Variants in SLC14A2 observed in about 807,000 individuals in gnomAD.
SLC14A2 encodes the protein urea transporter 2.
A neutral mutation model predicts 104.6 loss-of-function variants in SLC14A2; 91 were observed. The observed-to-expected ratio is 0.87, with a 90% confidence interval of 0.73 to 1.04. The LOEUF is 1.04. Ranked by LOEUF, SLC14A2 falls within the 50% of genes least tolerant of loss-of-function variation. SLC14A2 has a pLI of 0.00. For missense variants in SLC14A2, 1,189 were observed against 1,156.0 expected (o/e 1.03, Z -0.41); for synonymous variants, 476 against 466.4 (o/e 1.02, Z -0.27).
At chr18:45,558,994 T>A (rs796586908) in intron 2 of SLC14A2, among the ~76,000 whole-genome samples, 2 of 152,260 alleles carry the variant, frequency 1.3e-5, no homozygotes, top group African/African-American at 4.8e-5. Flanking sequence ...TTTCACCATG[T>A]TGGCCAGGTT....
chr18:45,264,622 G>A (rs567611365), intron 1 of SLC14A2, among the ~76,000 whole-genome samples: 35 of 152,248 alleles, frequency 2.3e-4, no homozygotes, highest in East Asian at 5.8e-4. Context: ...CATGTCTTTC[G>A]TGGGGACAGG....
At chr18:45,516,368 C>T (rs148799809) in intron 2 of SLC14A2, among the ~76,000 whole-genome samples, 2 of 152,100 alleles carry the variant, frequency 1.3e-5, no homozygotes, top group Admixed American at 1.3e-4. Context: ...CCAAATTTGC[C>T]GCTAAAATAA....
chr18:45,184,909 C>T, the SLC14A2 span, among the ~76,000 whole-genome samples: 16 of 152,210 alleles, frequency 1.1e-4, no homozygotes, highest in Admixed American at 1.0e-3. Flanking sequence ...CAACAAGTTC[C>T]TCTCATGTTG....
intron 17 of SLC14A2, 121 bp downstream of exon 17, chr18:45,673,168 T>C: frequency 1.1e-6 from 1 of 944,408 alleles, no homozygotes; most frequent in South Asian, 1.6e-5. Context: ...TCCCTCCTTC[T>C]GTTGTACCCT....
At chr18:45,653,435 T>C (rs16978435) in intron 10 of SLC14A2, among the ~76,000 whole-genome samples, 10,092 of 152,186 alleles carry the variant, frequency 0.066, 1,040 homozygotes, top group African/African-American at 0.23. Context: ...CTTCTGAACC[T>C]GGGTAGGCTG....
At chr18:45,402,130 C>A (rs1156455713) in intron 1 of SLC14A2, among the ~76,000 whole-genome samples, 1 of 152,214 alleles carries the variant, frequency 6.6e-6, no homozygotes, top group East Asian at 1.9e-4. Context: ...GCCCACAGTT[C>A]CTTTGGAGGT....
intron 2 of SLC14A2, among the ~76,000 whole-genome samples, chr18:45,526,012 C>A (rs1360893104): frequency 6.6e-6 from 1 of 152,016 alleles, no homozygotes; most frequent in Non-Finnish European, 1.5e-5. Context: ...TTTAAAAGTG[C>A]TAAATGGTAA....
chr18:45,214,049 A>T (rs145910797), intron 1 of SLC14A2, among the ~76,000 whole-genome samples: 1 of 152,222 alleles, frequency 6.6e-6, no homozygotes, highest in Non-Finnish European at 1.5e-5. Flanking sequence ...GGTATGCAAG[A>T]GTGACAGAGA....
Position 45,673,808 on chromosome 18 carries a change from A to C in SLC14A2, c.2503A>C (p.Ile835Leu), listed in dbSNP as rs1379584812. 1.2e-6 allele frequency: 2 copies of C among 1,614,078 alleles called. No individual in the cohort carries two copies. ...CACCTGGCAGACGCACCTCCTCGCC[A>C]TCGCCTGCGGTAGGTACTCCCCACA... Reference protein sequence around the residue: ...VITWQTHLLAIACALFAAYLG... With the variant: ...VITWQTHLLALACALFAAYLG... The change falls in exon 18 of 20, where the codon ATC (isoleucine) becomes CTC (leucine). Residue 835 changes from isoleucine (I) to leucine (L), a missense_variant. Ile to Leu is a conservative substitution (Grantham distance 5). Transcript: ENST00000255226.
chr18:45,280,123 A>C (rs1286159197), intron 1 of SLC14A2, among the ~76,000 whole-genome samples: 1 of 152,212 alleles, frequency 6.6e-6, no homozygotes, highest in East Asian at 1.9e-4. Flanking sequence ...CAGGAAACTG[A>C]GGCTCCAAGA....
chr18:45,296,740 G>T (rs774528793), intron 1 of SLC14A2, among the ~76,000 whole-genome samples: 1 of 152,166 alleles, frequency 6.6e-6, no homozygotes, highest in Non-Finnish European at 1.5e-5. Flanking sequence ...GGCTTGTTTC[G>T]GAAGAGCAGT....
chr18:45,640,180 G>C (rs188640142), intron 7 of SLC14A2, among the ~76,000 whole-genome samples: 10 of 152,036 alleles, frequency 6.6e-5, no homozygotes, highest in Non-Finnish European at 1.2e-4. Context: ...GGGAGCTGAG[G>C]CAGGAGAATC....
chr18:45,187,838 A>G, the SLC14A2 span, among the ~76,000 whole-genome samples: 1 of 152,200 alleles, frequency 6.6e-6, no homozygotes, highest in South Asian at 2.1e-4. Context: ...GAAAATGTTT[A>G]TCTTTGTGAA....
At chr18:45,577,678 G>A (rs941548616) in intron 2 of SLC14A2, among the ~76,000 whole-genome samples, 2 of 152,104 alleles carry the variant, frequency 1.3e-5, no homozygotes, top group Non-Finnish European at 2.9e-5. Context: ...GAAAATGACA[G>A]GGGTTGAGAC....
At chr18:45,328,441 T>C (rs2085257593) in intron 1 of SLC14A2, among the ~76,000 whole-genome samples, 1 of 152,186 alleles carries the variant, frequency 6.6e-6, no homozygotes, top group African/African-American at 2.4e-5. Flanking sequence ...TTTTCAGGGT[T>C]TCAGTTGCAC....
intron 10 of SLC14A2, among the ~76,000 whole-genome samples, chr18:45,651,849 C>T (rs1001781271): frequency 2.6e-5 from 4 of 152,214 alleles, no homozygotes; most frequent in Non-Finnish European, 4.4e-5. Context: ...AGCCATTTGG[C>T]CACTTTACCA....
At chr18:45,647,958 T>A (rs1439178095) in intron 10 of SLC14A2, 6 of 152,154 alleles carry the variant, frequency 3.9e-5, no homozygotes, top group African/African-American at 1.4e-4. Context: ...ATTGATTTGT[T>A]AATTGTATTA....
Position 45,678,978 on chromosome 18 carries a change from T to C in SLC14A2, c.2516T>C (p.Leu839Pro), listed in dbSNP as rs1423069375. ...QTHLLAIACA[L>P]FAAYLGAALA... Reference sequence around the variant, plus strand: ...TCTTTTTTTTTTTTTTTTCTAGCACTGTTTGCTGCCTACCTGGGTGCTGCC... The same window carrying C: ...TCTTTTTTTTTTTTTTTTCTAGCACCGTTTGCTGCCTACCTGGGTGCTGCC... The change falls in exon 19 of 20, where the codon CTG becomes CCG. Residue 839 changes from leucine to proline, a missense_variant. Transcript: ENST00000255226. 1 of 1,558,030 alleles carries C rather than the reference T, an allele frequency of 6.4e-7. No individual in the cohort carries two copies. Among genetic ancestry groups the C allele is most frequent in the East Asian group, 2.3e-5 (1 of 43,876 alleles).
At position 45,656,145 on chromosome 18, in the gene SLC14A2, T is replaced by C. The variant is rs568610302; in HGVS notation, c.1352-7640T>C. Among the ~76,000 whole-genome samples, 6 of 152,358 alleles carry C rather than the reference T, an allele frequency of 3.9e-5. No homozygotes were observed. The South Asian group carries it at 1.2e-3, about 32-fold the overall frequency. On this transcript the variant is annotated intron_variant, in intron 10 of 19. Transcript: ENST00000255226. ...AACAATAGGAAACTCCACTGCGGCCTCAACTTCAAAAGGTGTAGTCTAGAG... is the reference window on the plus strand; with the variant it reads ...AACAATAGGAAACTCCACTGCGGCCCCAACTTCAAAAGGTGTAGTCTAGAG...
Sources: allele counts gnomAD v4.1 joint callset (sites outside exome capture counted in the v4.1 genomes callset), GRCh38; gene constraint gnomAD v4.1.1; transcripts MANE v1.5; gene names NCBI Gene and HGNC (gene_info 2026-07-23, HGNC 2026-07-21).